NELL2: variants seen among roughly 807,000 people sequenced by gnomAD.
NELL2 encodes the protein protein kinase C-binding protein NELL2.
In NELL2, 41 loss-of-function variants were observed where a neutral mutation model predicts 109.6. The ratio of observed to expected loss-of-function variants is 0.37; its 90% confidence interval spans 0.29 to 0.49. The LOEUF (loss-of-function observed/expected upper bound fraction) is 0.49, where lower values mean the gene tolerates loss of function less well. NELL2 is among the 20% of genes least tolerant of loss of function. The pLI, the probability that NELL2 is intolerant of heterozygous loss-of-function variation, is 0.98. For missense variants in NELL2, 900 were observed against 1,008.3 expected, an observed-to-expected ratio of 0.89 and a Z score of 1.45; for synonymous variants, 355 against 344.7, an observed-to-expected ratio of 1.03 and a Z score of -0.33.
intron 2 of NELL2, among the ~76,000 whole-genome samples, chr12:44,831,050 C>G (rs901386847): frequency 6.6e-6 from 1 of 151,984 alleles, no homozygotes; most frequent in African/African-American, 2.4e-5. Flanking sequence ...TGCTTATACT[C>G]ACAACCCACC....
At chr12:44,787,620 A>G (rs1592532917) in intron 3 of NELL2, among the ~76,000 whole-genome samples, 1 of 152,206 alleles carries the variant, frequency 6.6e-6, no homozygotes, top group East Asian at 1.9e-4. Context: ...CATATCTCAT[A>G]TGGACAGAGA....
chr12:44,598,277 A>G (rs1008813957), intron 15 of NELL2, among the ~76,000 whole-genome samples: 1 of 151,534 alleles, frequency 6.6e-6, no homozygotes, highest in Non-Finnish European at 1.5e-5. Context: ...GGCTTCTTCC[A>G]GAAAGTTTCC....
rs529137651 is a variant in NELL2 at position 44,895,326 on chromosome 12, C to T, written c.38+18473G>A. ...GTTAGTTTAATTAAAAGGAACAAAA[C>T]GCAAGAGTTGAAATGCAAAGAGAAA... On this transcript the variant is annotated intron_variant, in intron 1 of 20. Coordinates refer to the NELL2 transcript ENST00000333837. 3.9e-5 allele frequency among the ~76,000 whole-genome samples: 6 copies of T among 152,184 alleles called. No individual in the cohort carries two copies. The East Asian group carries it at 5.8e-4, about 15-fold the overall frequency.
At chr12:44,644,435 A>C (rs1348122137) in intron 13 of NELL2, among the ~76,000 whole-genome samples, 1 of 151,554 alleles carries the variant, frequency 6.6e-6, no homozygotes, top group Non-Finnish European at 1.5e-5. Flanking sequence ...CTAGAAGAAT[A>C]AGGTGAGTAT....
rs370541188 is a variant in NELL2 at position 44,581,452 on chromosome 12, T to C, written c.1663+25717A>G. 5.3e-5 allele frequency among the ~76,000 whole-genome samples: 8 copies of C among 152,326 alleles called. No homozygotes were observed. In the South Asian group the frequency reaches 1.7e-3, roughly 32 times the overall value. On this transcript the variant is annotated intron_variant, in intron 15 of 19. Transcript: ENST00000429094. ...ACACTCTTCTAAATATCTGGAGTAC[T>C]TTCCTTATAGTTGCTTAAACACCAA... is the stretch of plus-strand genomic sequence containing the variant.
chr12:44,618,104 A>G (rs545749171), intron 13 of NELL2, among the ~76,000 whole-genome samples: 17 of 152,254 alleles, frequency 1.1e-4, no homozygotes, highest in Admixed American at 1.0e-3. Flanking sequence ...CTACCATGTC[A>G]TTTTAACAGA....
chr12:44,622,802 T>A (rs1946106973), intron 13 of NELL2, among the ~76,000 whole-genome samples: 1 of 152,140 alleles, frequency 6.6e-6, no homozygotes, highest in Admixed American at 6.5e-5. Context: ...GGGGCTTAAT[T>A]TTAAAACGAG....
intron 13 of NELL2, among the ~76,000 whole-genome samples, chr12:44,644,186 CATT>C (rs1946965380): frequency 3.3e-5 from 5 of 151,926 alleles, no homozygotes; most frequent in Admixed American, 3.3e-4. Context: ...AAATTCAGGC[CATT>C]ATGTAGCAGC....
intron 2 of NELL2, among the ~76,000 whole-genome samples, chr12:44,826,269 C>A (rs149866224): frequency 0.015 from 2,309 of 152,168 alleles, 31 homozygotes; most frequent in Middle Eastern, 0.034. Context: ...TGTATAAATT[C>A]TATTATAAAA....
chr12:44,696,499 G>A (rs1949066740), intron 12 of NELL2, among the ~76,000 whole-genome samples: 1 of 152,152 alleles, frequency 6.6e-6, no homozygotes, highest in Admixed American at 6.5e-5. Flanking sequence ...TCCTTTTAAT[G>A]TGTATGTTAT....
chr12:44,875,676 C>A, intron 1 of NELL2, 139 bp downstream of exon 1: 1 of 1,589,820 alleles, frequency 6.3e-7, no homozygotes. Context: ...AAATCCATAT[C>A]CAAACCCGCC....
chr12:44,876,515 C>T (rs775214513), upstream of NELL2: 40 of 1,401,472 alleles, frequency 2.9e-5, no homozygotes, highest in Non-Finnish European at 3.7e-5. Flanking sequence ...TTCTCCCTCC[C>T]TCTCTCGATG....
chr12:44,607,286 A>T (rs1945445060), intron 14 of NELL2, 22 bp from the exon 15 acceptor site: 3 of 1,600,150 alleles, frequency 1.9e-6, no homozygotes, highest in Non-Finnish European at 2.6e-6. Context: ...CAGATACATG[A>T]TTTTAGCACT....
chr12:44,549,212 C>T (rs1942929083), intron 15 of NELL2, among the ~76,000 whole-genome samples: 2 of 152,146 alleles, frequency 1.3e-5, no homozygotes, highest in Non-Finnish European at 2.9e-5. Flanking sequence ...GAGGAGATTG[C>T]TAATGGTTCA....
intron 16 of NELL2, among the ~76,000 whole-genome samples, chr12:44,532,286 TC>T (rs1043701375): frequency 1.1e-4 from 17 of 152,192 alleles, no homozygotes; most frequent in Admixed American, 9.2e-4. Flanking sequence ...TTGCATGCTT[TC>T]GTTTTAAAAA....
At chr12:44,721,139 C>T (rs749239845) in intron 9 of NELL2, among the ~76,000 whole-genome samples, 10 of 152,298 alleles carry the variant, frequency 6.6e-5, no homozygotes, top group Non-Finnish European at 1.5e-4. Context: ...CACGCTATTG[C>T]TGTAAGCAGA....
In NELL2 at chr12:44,600,127, AATTTATTTATTTATTTATTT is replaced by A. The variant is rs57168113; in HGVS notation, c.1663+7022_1663+7041del. 3.1e-3 allele frequency among the ~76,000 whole-genome samples: 413 copies of A among 132,214 alleles called. 2 individuals carry two copies. The highest frequency in any genetic ancestry group is 5.9e-3 in the African/African-American group (205 of 34,564). The allele number at this position is 132,214 out of a possible 152,430, so 86.7% of individuals were successfully genotyped here. ...CAGGCGCCCGCCAGCACGCCCGGCTAATTTATTTATTTATTTATTTATTTATTTATTTATTTATTTATTTA... is the reference window on the plus strand; with the variant it reads ...CAGGCGCCCGCCAGCACGCCCGGCTAATTTATTTATTTATTTATTTATTTA... On this transcript the variant is annotated intron_variant, in intron 15 of 19. Transcript: ENST00000429094.
intron 9 of NELL2, among the ~76,000 whole-genome samples, chr12:44,754,472 ATTTACATTACTAAAGTCATTCCT>A (rs1940793328): frequency 6.6e-6 from 1 of 152,188 alleles, no homozygotes; most frequent in South Asian, 2.1e-4. Flanking sequence ...AATGCCAAGT[ATTTACATTACTAAAGTCATTCCT>A]TTTCTTTTAT....
intron 2 of NELL2, among the ~76,000 whole-genome samples, chr12:44,874,247 TAAC>T (rs896897826): frequency 4.6e-5 from 7 of 152,134 alleles, no homozygotes; most frequent in Non-Finnish European, 1.0e-4. Context: ...GGCACCAAAA[TAAC>T]AACAACAACA....
Sources: allele counts gnomAD v4.1 joint callset (sites outside exome capture counted in the v4.1 genomes callset), GRCh38; gene constraint gnomAD v4.1.1; transcripts MANE v1.5; gene names NCBI Gene and HGNC (gene_info 2026-07-23, HGNC 2026-07-21).